Variants in SGCZ observed in about 807,000 individuals in gnomAD.
SGCZ encodes sarcoglycan zeta, also known as zeta-sarcoglycan.
SGCZ carries 40 observed loss-of-function variants against 41.3 expected under a neutral mutation model. That is an observed-to-expected ratio of 0.97 (90% CI 0.75 to 1.26). The LOEUF is 1.26. Among genes scored for constraint, SGCZ ranks in the 50% most tolerant of loss-of-function variants. SGCZ has a pLI of 0.00. For synonymous variants in SGCZ, 206 were observed against 137.5 expected (o/e 1.50, Z -3.49); for missense variants, 552 against 369.8 (o/e 1.49, Z -4.04).
intron 1 of SGCZ, among the ~76,000 whole-genome samples, chr8:14,910,036 C>T (rs563902313): frequency 6.6e-6 from 1 of 152,136 alleles, no homozygotes; most frequent in East Asian, 1.9e-4. Context: ...TGTCCCCCAC[C>T]CTGTGCTTTA....
At chr8:15,218,683 T>C (rs556296544) in intron 1 of SGCZ, among the ~76,000 whole-genome samples, 2 of 152,318 alleles carry the variant, frequency 1.3e-5, no homozygotes, top group African/African-American at 2.4e-5. Flanking sequence ...AGCCCAATCA[T>C]GTTTCACTCA....
chr8:14,343,845 T>A (rs1275245278), intron 2 of SGCZ, among the ~76,000 whole-genome samples: 4 of 152,012 alleles, frequency 2.6e-5, no homozygotes, highest in Non-Finnish European at 5.9e-5. Flanking sequence ...ATCTAGAGTT[T>A]ATTCAGAAAC....
intron 1 of SGCZ, among the ~76,000 whole-genome samples, chr8:14,724,410 A>C (rs1263295768): frequency 6.6e-6 from 1 of 151,896 alleles, no homozygotes; most frequent in Non-Finnish European, 1.5e-5. Flanking sequence ...GCCTCTACTG[A>C]GCTTTCATGG....
intron 1 of SGCZ, among the ~76,000 whole-genome samples, chr8:14,975,577 G>A (rs917458931): frequency 6.6e-6 from 1 of 151,824 alleles, no homozygotes; most frequent in African/African-American, 2.4e-5. Context: ...TCTTAACACG[G>A]GATTTTCAGC....
In SGCZ at chr8:14,481,822, T is replaced by TA. The variant is rs1357312251; in HGVS notation, c.234+72909dup. ...AATCAAGGGATAACCGATTCCTTTA[T>TA]AAACAGCTGGAAAACTAGACAAACT... On this transcript the variant is annotated intron_variant, in intron 2 of 7. Transcript: ENST00000382080. Among the ~76,000 whole-genome samples, 19 of 152,328 alleles carry TA rather than the reference T, an allele frequency of 1.2e-4. No individual in the cohort carries two copies. The South Asian group carries it at 2.9e-3, about 23-fold the overall frequency.
At chr8:14,688,132 C>G (rs1339725612) in intron 1 of SGCZ, among the ~76,000 whole-genome samples, 1 of 152,016 alleles carries the variant, frequency 6.6e-6, no homozygotes, top group Non-Finnish European at 1.5e-5. Flanking sequence ...AATTTTCTCC[C>G]ATTTTGTAGG....
chr8:14,435,570 A>G (rs2117350768), intron 2 of SGCZ, among the ~76,000 whole-genome samples: 1 of 152,348 alleles, frequency 6.6e-6, no homozygotes, highest in South Asian at 2.1e-4. Flanking sequence ...CTGAGCCACG[A>G]TAGTAAGTCA....
chr8:14,237,810 C>G, intron 3 of SGCZ, 131 bp from the exon 4 acceptor site: 1 of 680,188 alleles, frequency 1.5e-6, no homozygotes, highest in South Asian at 2.1e-5. Context: ...GTTAATTTAA[C>G]GTCCCAATCA....
At chr8:14,379,758 G>T (rs962024758) in intron 2 of SGCZ, among the ~76,000 whole-genome samples, 1 of 152,020 alleles carries the variant, frequency 6.6e-6, no homozygotes, top group East Asian at 1.9e-4. Context: ...TGGAGAAAGA[G>T]TCTTACTCTG....
chr8:14,800,530 G>A (rs1196705689), intron 1 of SGCZ, among the ~76,000 whole-genome samples: 1 of 152,086 alleles, frequency 6.6e-6, no homozygotes, highest in Non-Finnish European at 1.5e-5. Flanking sequence ...TTGGAGGAGG[G>A]GCCTGGTGGA....
At chr8:14,680,554 C>T (rs1355880539) in intron 1 of SGCZ, among the ~76,000 whole-genome samples, 1 of 146,154 alleles carries the variant, frequency 6.8e-6, no homozygotes, top group Non-Finnish European at 1.5e-5. Context: ...ATAAACGGAG[C>T]AAGAAATCTC....
At chr8:15,188,350 C>T (rs868288767) in intron 1 of SGCZ, among the ~76,000 whole-genome samples, 55 of 152,098 alleles carry the variant, frequency 3.6e-4, no homozygotes, top group Middle Eastern at 3.2e-3. Context: ...CCTGTATAGA[C>T]ATATTGTCAA....
chr8:14,202,863 C>T (rs1805499446), intron 4 of SGCZ, among the ~76,000 whole-genome samples: 1 of 152,038 alleles, frequency 6.6e-6, no homozygotes, highest in African/African-American at 2.4e-5. Context: ...GTGTCTCCAC[C>T]CAAATCTCAT....
chr8:14,283,754 G>A (rs968944748), intron 3 of SGCZ, among the ~76,000 whole-genome samples: 4 of 152,110 alleles, frequency 2.6e-5, no homozygotes. Flanking sequence ...GGGCCATATG[G>A]TCTCTATCAT....
Position 14,413,814 on chromosome 8 carries a change from T to A in SGCZ, c.235-89610A>T, listed in dbSNP as rs960194054. ...TTTTACAAACCCATTCATACATATA[T>A]GGTTTAGATAGAACATAAATCCTAG... On this transcript the variant is annotated intron_variant, in intron 2 of 7. Transcript: ENST00000382080. Among the ~76,000 whole-genome samples the A allele has an allele frequency of 2.6e-5, 4 of 152,006 alleles. No individual in the cohort carries two copies. In the East Asian group the frequency reaches 5.8e-4, roughly 22 times the overall value.
Position 14,877,121 on chromosome 8 carries a change from G to A in SGCZ, c.40-322195C>T, listed in dbSNP as rs529827730. On this transcript the variant is annotated intron_variant, in intron 1 of 7. Coordinates refer to ENST00000382080, the MANE Select transcript of SGCZ (RefSeq NM_139167.4). ...CCTGAGTAGCTGGGACTACAGGTGC[G>A]CACTACCATGCCCAGCTAACTTTTG... Among the ~76,000 whole-genome samples the A allele has an allele frequency of 2.3e-4, 35 of 152,090 alleles. No homozygotes were observed. In the South Asian group the frequency reaches 4.4e-3, roughly 19 times the overall value.
rs184386575 is a variant in SGCZ at position 14,636,423 on chromosome 8, T to G, written c.40-81497A>C. 1.4e-3 allele frequency among the ~76,000 whole-genome samples: 214 copies of G among 151,924 alleles called. 1 individual carries two copies. Among genetic ancestry groups the G allele is most frequent in the Middle Eastern group, 3.4e-3 (1 of 294 alleles). On this transcript the variant is annotated intron_variant, in intron 1 of 7. Transcript: ENST00000382080. ...TTACTAAGCTATGAAGGCAAGAGAT[T>G]TACATGAACTGACTAGGAACTAAAT...
At chr8:15,048,830 G>T (rs1311230303) in intron 1 of SGCZ, among the ~76,000 whole-genome samples, 1 of 151,922 alleles carries the variant, frequency 6.6e-6, no homozygotes, top group Non-Finnish European at 1.5e-5. Context: ...TAAGAAAAGA[G>T]ACTCTTCAGA....
intron 1 of SGCZ, among the ~76,000 whole-genome samples, chr8:14,847,968 A>C (rs989355565): frequency 6.6e-6 from 1 of 152,146 alleles, no homozygotes. Flanking sequence ...TTCATAGACA[A>C]CATAATCATC....
Sources: allele counts gnomAD v4.1 joint callset (sites outside exome capture counted in the v4.1 genomes callset), GRCh38; gene constraint gnomAD v4.1.1; transcripts MANE v1.5; gene names NCBI Gene and HGNC (gene_info 2026-07-23, HGNC 2026-07-21).